Variants in PCLO observed in about 807,000 individuals in gnomAD.
The protein encoded by PCLO is piccolo presynaptic cytomatrix protein, also known as protein piccolo.
Under a neutral mutation model 427.5 loss-of-function variants are expected in PCLO, and 82 were observed. The observed-to-expected ratio is 0.19, with a 90% CI of 0.16 to 0.23. The LOEUF (loss-of-function observed/expected upper bound fraction) is 0.23. Among genes scored for constraint, PCLO ranks in the 10% least tolerant of loss-of-function variants. The pLI is 1.00. For missense variants in PCLO, 6,239 were observed against 6,115.9 expected, an observed-to-expected ratio of 1.02 and a Z score of -0.67; for synonymous variants, 2,357 against 2,155.4, an observed-to-expected ratio of 1.09 and a Z score of -2.59.
intron 3 of PCLO, among the ~76,000 whole-genome samples, chr7:82,971,122 C>T (rs531228089): frequency 4.0e-4 from 60 of 151,834 alleles, no homozygotes; most frequent in African/African-American, 1.4e-3. Flanking sequence ...CCTAAATAGC[C>T]ACACCATGAC....
intron 16 of PCLO, among the ~76,000 whole-genome samples, chr7:82,832,405 C>T (rs184280105): frequency 1.1e-4 from 17 of 152,160 alleles, no homozygotes; most frequent in African/African-American, 3.6e-4. Context: ...ACACCCACCA[C>T]CATGCCCGGC....
rs1394296368 is a variant in PCLO, at chr7:83,035,510, TAC to T, written c.3301-69025_3301-69024del. ...ATAAAAAAAAGATAATTCCTAACAT[TAC>T]AGTGTATTGCTCTGTAGTATATTAA... On this transcript the variant is annotated intron_variant, in intron 3 of 24. Transcript: ENST00000333891. 3.9e-5 allele frequency among the ~76,000 whole-genome samples: 6 copies of T among 152,284 alleles called. No homozygotes were observed. The South Asian group carries it at 8.3e-4, about 21-fold the overall frequency.
chr7:82,832,794 ACTT>A (rs1792127447), intron 16 of PCLO, among the ~76,000 whole-genome samples: 1 of 121,612 alleles, frequency 8.2e-6, no homozygotes, highest in Admixed American at 9.7e-5. Context: ...CCTTTACTAA[ACTT>A]ACTACACACA....
chr7:82,997,988 C>T (rs1787671885), intron 3 of PCLO, among the ~76,000 whole-genome samples: 1 of 151,920 alleles, frequency 6.6e-6, no homozygotes, highest in African/African-American at 2.4e-5. Flanking sequence ...AACTGAAAAA[C>T]CAACAACTCT....
At chr7:82,920,562 A>C (rs1371119352) in intron 6 of PCLO, among the ~76,000 whole-genome samples, 2 of 151,914 alleles carry the variant, frequency 1.3e-5, no homozygotes, top group Non-Finnish European at 2.9e-5. Flanking sequence ...TGCAAATTGC[A>C]ACATCAATGA....
At chr7:83,020,935 A>T (rs2116056031) in intron 3 of PCLO, among the ~76,000 whole-genome samples, 1 of 152,314 alleles carries the variant, frequency 6.6e-6, no homozygotes, top group Middle Eastern at 3.4e-3. Context: ...CCTACATGAT[A>T]GTTTCCTTTA....
intron 22 of PCLO, among the ~76,000 whole-genome samples, chr7:82,789,670 G>A (rs1455505598): frequency 2.6e-5 from 4 of 152,076 alleles, no homozygotes; most frequent in African/African-American, 7.2e-5. Context: ...GCACCACTGC[G>A]CTCCAGCCTG....
At chr7:82,874,631 A>G (rs1446965653) in intron 10 of PCLO, among the ~76,000 whole-genome samples, 2 of 152,346 alleles carry the variant, frequency 1.3e-5, no homozygotes, top group East Asian at 3.9e-4. Context: ...AAAACAGTCA[A>G]GAGAAAATAC....
rs1795337406 is a variant in PCLO, at chr7:82,951,195, A to G, written c.9393T>C (p.Pro3131=). The G allele has an allele frequency of 6.2e-7, 1 of 1,613,624 alleles. No homozygotes were observed. The highest frequency in any genetic ancestry group is 8.5e-7 in the Non-Finnish European group (1 of 1,179,808). The part of the protein sequence containing the change: ...IHTADAVTSL[P]AMHHSQPMPR... Reference sequence around the variant, plus strand: ...GCATTGGCTGGCTATGGTGCATGGCAGGTAATGAAGTCACTGCATCAGCCG... The same window carrying G: ...GCATTGGCTGGCTATGGTGCATGGCGGGTAATGAAGTCACTGCATCAGCCG... Residue 3131 remains proline, a synonymous_variant, in exon 6 of 25, where the codon CCT becomes CCC. Coordinates refer to ENST00000333891, the MANE Select transcript of PCLO (RefSeq NM_033026.6).
intron 22 of PCLO, among the ~76,000 whole-genome samples, chr7:82,772,765 G>C (rs1790673281): frequency 6.6e-6 from 1 of 151,952 alleles, no homozygotes; most frequent in Non-Finnish European, 1.5e-5. Flanking sequence ...TGTCCTTTTG[G>C]TATGTGCTTC....
At chr7:82,805,409 C>A (rs1035479981) in intron 21 of PCLO, among the ~76,000 whole-genome samples, 17 of 152,140 alleles carry the variant, frequency 1.1e-4, no homozygotes, top group Non-Finnish European at 1.9e-4. Flanking sequence ...TCCTGCTGAA[C>A]TTTATTCTGG....
At chr7:82,761,324 C>A in intron 23 of PCLO, 35 bp downstream of exon 23, 1 of 1,224,958 alleles carries the variant, frequency 8.2e-7, no homozygotes, top group South Asian at 1.5e-5. Flanking sequence ...CTAAAAAAAT[C>A]TAGATATATT....
At position 83,154,782 on chromosome 7, in the gene PCLO, A is replaced by G; in HGVS notation, c.1859T>C (p.Leu620Pro). ...CTECQTTVCS[L>P]CGFNPNPHLT... The stretch of plus-strand genomic sequence containing the variant: ...ATGAGGATTGGGATTAAAACCACAG[A>G]GACTACAGACAGTGGTTTGACACTC... The change falls in exon 2 of 25, where the codon CTC (leucine) becomes CCC (proline). Residue 620 changes from leucine (L) to proline (P), a missense_variant. This residue lies in a region of PCLO where 4,677 missense variants were observed against 4,468.4 expected (regional missense o/e 1.05). Transcript: ENST00000333891. 6.2e-7 allele frequency: 1 copy of G among 1,613,940 alleles called. No individual in the cohort carries two copies. The highest frequency in any genetic ancestry group is 2.2e-5 in the East Asian group (1 of 44,880).
intron 3 of PCLO, among the ~76,000 whole-genome samples, chr7:83,045,715 T>C (rs921666405): frequency 2.6e-5 from 4 of 152,122 alleles, no homozygotes; most frequent in African/African-American, 2.4e-5. Context: ...CCTAGAAATA[T>C]AGAAAAATGA....
chr7:82,906,006 T>TATAGATAGATAGATAGATAG (rs35608595), intron 8 of PCLO, among the ~76,000 whole-genome samples: 1 of 146,628 alleles, frequency 6.8e-6, no homozygotes, highest in Non-Finnish European at 1.5e-5. Flanking sequence ...AGGTTAAGCA[T>TATAGATAGATAGATAGATAG]ATAGATAGAT....
At chr7:83,109,025 T>C (rs1336339937) in intron 3 of PCLO, among the ~76,000 whole-genome samples, 1 of 147,332 alleles carries the variant, frequency 6.8e-6, no homozygotes, top group Non-Finnish European at 1.5e-5. Flanking sequence ...GACTCTTACC[T>C]AATTTTCTGT....
In PCLO at chr7:82,950,281, C is replaced by T. The variant is rs772155882; in HGVS notation, c.10307G>A (p.Ser3436Asn). The T allele has an allele frequency of 5.6e-6, 9 of 1,613,400 alleles. No individual in the cohort carries two copies. The East Asian group carries it at 2.0e-4, about 36-fold the overall frequency. The change falls in exon 6 of 25, where the codon AGT becomes AAT. Residue 3436 changes from serine (S) to asparagine (N), a missense_variant. By Grantham distance (46) the Ser-to-Asn change is conservative. Transcript: ENST00000333891. The stretch of plus-strand genomic sequence containing the variant: ...ACCACTGTCCACTATCTTTTTAAAA[C>T]TTCGGGGATCATCTGTCATATTTTC... Reference protein sequence around the residue: ...MGENMTDDPRSFKKIVDSGVQ... With the variant: ...MGENMTDDPRNFKKIVDSGVQ...
intron 3 of PCLO, among the ~76,000 whole-genome samples, chr7:83,067,580 A>C (rs1263392619): frequency 6.6e-6 from 1 of 152,200 alleles, no homozygotes; most frequent in Non-Finnish European, 1.5e-5. Context: ...CCCTCAGTCC[A>C]GGGGCTTACT....
At position 83,141,104 on chromosome 7, in the gene PCLO, C is replaced by T. The variant is rs143781752; in HGVS notation, c.1894-5448G>A. 2.0e-3 allele frequency among the ~76,000 whole-genome samples: 300 copies of T among 152,302 alleles called. 4 individuals carry two copies. The highest frequency in any genetic ancestry group is 6.3e-3 in the African/African-American group (263 of 41,580). ...GCTTCCACAAAGGTTTCCTAAAGAACTTCCCAAATGCCCTGTCAAAAGTGG... is the reference window on the plus strand; with the variant it reads ...GCTTCCACAAAGGTTTCCTAAAGAATTTCCCAAATGCCCTGTCAAAAGTGG... On this transcript the variant is annotated intron_variant, in intron 2 of 24. Transcript: ENST00000333891.
Sources: gnomAD v4.1 joint callset for allele counts (sites outside exome capture counted in the v4.1 genomes callset) on GRCh38, gnomAD v4.1.1 for gene constraint, gnomAD v4.1.1 regional missense constraint, MANE v1.5 for transcripts, NCBI Gene and HGNC (gene_info 2026-07-23, HGNC 2026-07-21) for gene names.